SLC37A3: variants seen among roughly 807,000 people sequenced by gnomAD.
The protein encoded by SLC37A3 is solute carrier family 37 member 3.
SLC37A3 carries 51 observed loss-of-function variants against 67.1 expected under a neutral mutation model. The observed-to-expected ratio is 0.76, with a 90% CI of 0.61 to 0.96. The LOEUF (loss-of-function observed/expected upper bound fraction) is 0.96. Ranked by LOEUF, SLC37A3 falls within the 40% of genes least tolerant of loss-of-function variation. SLC37A3 has a pLI of 0.00. For missense variants in SLC37A3, 508 were observed against 603.0 expected (o/e 0.84, Z 1.65); for synonymous variants, 214 against 231.4 (o/e 0.92, Z 0.68).
intron 1 of SLC37A3, among the ~76,000 whole-genome samples, chr7:140,394,064 G>A (rs996643047): frequency 2.0e-5 from 3 of 152,090 alleles, no homozygotes; most frequent in Admixed American, 6.6e-5. Context: ...CCAGCTACTC[G>A]AGAGGTGGAG....
At chr7:140,351,908 C>A (rs971165953) in intron 8 of SLC37A3, 154 bp downstream of exon 8, 5 of 782,490 alleles carry the variant, frequency 6.4e-6, no homozygotes, top group Non-Finnish European at 1.1e-5. Context: ...GCTACAATGT[C>A]GACAGGACTC....
chr7:140,353,614 A>C (rs897716669), intron 7 of SLC37A3, among the ~76,000 whole-genome samples: 1 of 152,156 alleles, frequency 6.6e-6, no homozygotes, highest in African/African-American at 2.4e-5. Flanking sequence ...GGAAACATAC[A>C]AGCTAATACA....
At chr7:140,339,270 T>TG (rs1180745121) in intron 13 of SLC37A3, among the ~76,000 whole-genome samples, 8 of 145,560 alleles carry the variant, frequency 5.5e-5, no homozygotes, top group South Asian at 2.1e-4. Context: ...TTTTGTTTTT[T>TG]TTTTTTTTTT....
In SLC37A3 at chr7:140,367,075, T is replaced by C. The variant is rs567147661; in HGVS notation, c.291+2515A>G. 4.5e-4 allele frequency among the ~76,000 whole-genome samples: 68 copies of C among 151,832 alleles called. No homozygotes were observed. In the Middle Eastern group the frequency reaches 0.014, roughly 30 times the overall value. ...ATTGCTTGAACCCAGGGGGCAGAGG[T>C]TGCAGTGAGCCAAGATTGTGCCACT... On this transcript the variant is annotated intron_variant, in intron 4 of 14. Coordinates refer to ENST00000326232, the MANE Select transcript of SLC37A3 (RefSeq NM_207113.3).
intron 14 of SLC37A3, 30 bp downstream of exon 14, chr7:140,337,253 CT>C (rs11331602): frequency 0.38 from 468,704 of 1,236,294 alleles, 45,889 homozygotes; most frequent in East Asian, 0.62. Flanking sequence ...AGAAAAATGA[CT>C]TTTTTTTTTT....
chr7:140,349,185 C>T (rs1161316378), intron 9 of SLC37A3, among the ~76,000 whole-genome samples: 2 of 152,230 alleles, frequency 1.3e-5, no homozygotes, highest in Non-Finnish European at 2.9e-5. Context: ...GGAAGCATCA[C>T]GGCCTTTACT....
intron 6 of SLC37A3, among the ~76,000 whole-genome samples, chr7:140,356,516 T>C (rs1314002462): frequency 6.6e-6 from 1 of 151,838 alleles, no homozygotes; most frequent in African/African-American, 2.4e-5. Flanking sequence ...ACCCCGTCTC[T>C]ACTAAAAATA....
chr7:140,337,142 T>G (rs933065504), intron 14 of SLC37A3, 142 bp downstream of exon 14: 4 of 460,542 alleles, frequency 8.7e-6, no homozygotes, highest in African/African-American at 2.1e-5. Flanking sequence ...GAAGAAGATG[T>G]CTTTTAGACT....
At position 140,345,201 on chromosome 7, in the gene SLC37A3, A is replaced by G. The variant is rs1308016001; in HGVS notation, c.1174+15T>C. ...GAGCAACAGAAGCATGGTGGAGCAG[A>G]GCCATGTGCCGTACCTGTAACAGTC... On this transcript the variant is annotated intron_variant, in intron 12 of 14. Transcript: ENST00000326232. 2 of 1,609,726 alleles carry G rather than the reference A, an allele frequency of 1.2e-6. No individual in the cohort carries two copies. Among genetic ancestry groups the G allele is most frequent in the Non-Finnish European group, 1.7e-6 (2 of 1,176,578 alleles).
Position 140,382,551 on chromosome 7 carries a change from C to T in SLC37A3, c.-25G>A. On this transcript the variant is annotated 5_prime_UTR_variant, in exon 2 of 15. Coordinates refer to ENST00000326232, the MANE Select transcript of SLC37A3 (RefSeq NM_207113.3). ...TGTTCTTCCTGACCTTCCTTCTCAC[C>T]TTTGACCTTAAGGTTTGGATGAGTG... is the stretch of plus-strand genomic sequence containing the variant. The T allele has an allele frequency of 1.9e-6, 3 of 1,607,634 alleles. No homozygotes were observed. Among genetic ancestry groups the T allele is most frequent in the Non-Finnish European group, 2.6e-6 (3 of 1,174,754 alleles).
intron 13 of SLC37A3, among the ~76,000 whole-genome samples, chr7:140,338,001 C>T (rs1259568654): frequency 6.6e-6 from 1 of 151,908 alleles, no homozygotes; most frequent in Admixed American, 6.6e-5. Flanking sequence ...CATCATTCTC[C>T]TGCCTCAGCC....
At chr7:140,336,877 T>TCACCTGAGGTCAGAAGTTCAAGAC (rs773950977) in intron 14 of SLC37A3, among the ~76,000 whole-genome samples, 1,548 of 151,976 alleles carry the variant, frequency 0.01, 14 homozygotes, top group Non-Finnish European at 0.014. Context: ...GTCGGGTGGA[T>TCACCTGAGGTCAGAAGTTCAAGAC]CACCTGAGGT....
intron 7 of SLC37A3, among the ~76,000 whole-genome samples, chr7:140,353,462 G>C (rs1796895345): frequency 6.6e-6 from 1 of 151,410 alleles, no homozygotes; most frequent in African/African-American, 2.4e-5. Context: ...AGGTGACAGA[G>C]TGAGACTCTG....
intron 1 of SLC37A3, among the ~76,000 whole-genome samples, chr7:140,394,452 T>G (rs960036487): frequency 6.6e-6 from 1 of 151,534 alleles, no homozygotes; most frequent in Non-Finnish European, 1.5e-5. Context: ...ACCTCATTCA[T>G]CTCTACAAAA....
chr7:140,374,842 A>G (rs1797962287), intron 3 of SLC37A3, among the ~76,000 whole-genome samples: 1 of 152,086 alleles, frequency 6.6e-6, no homozygotes. Flanking sequence ...TGAGCAACAG[A>G]GCAAGACCCT....
chr7:140,351,922 C>T (rs3936105), intron 8 of SLC37A3, 140 bp downstream of exon 8: 37,589 of 853,454 alleles, frequency 0.044, 989 homozygotes, highest in South Asian at 0.063. Context: ...AGGACTCAAA[C>T]GGCAGTACTG....
At chr7:140,393,966 T>G (rs1007886100) in intron 1 of SLC37A3, among the ~76,000 whole-genome samples, 4 of 152,008 alleles carry the variant, frequency 2.6e-5, no homozygotes, top group Non-Finnish European at 5.9e-5. Context: ...AGCCCACGAG[T>G]TCGGGACCAG....
intron 2 of SLC37A3, among the ~76,000 whole-genome samples, chr7:140,380,768 G>A (rs370255211): frequency 6.6e-5 from 10 of 151,802 alleles, no homozygotes; most frequent in Admixed American, 2.6e-4. Flanking sequence ...TTTTTGCAGC[G>A]ACAGAGTCTT....
At chr7:140,347,795 T>A (rs1441648884) in intron 10 of SLC37A3, among the ~76,000 whole-genome samples, 2 of 151,960 alleles carry the variant, frequency 1.3e-5, no homozygotes, top group African/African-American at 4.8e-5. Context: ...TCTTTGTTTA[T>A]AATGAAACAA....
Sources: allele counts gnomAD v4.1 joint callset (sites outside exome capture counted in the v4.1 genomes callset), GRCh38; gene constraint gnomAD v4.1.1; transcripts MANE v1.5; gene names NCBI Gene and HGNC (gene_info 2026-07-23, HGNC 2026-07-21).